Variants in LGALS8 observed in about 807,000 individuals in gnomAD.
LGALS8 encodes the protein galectin-8.
In LGALS8, 30 loss-of-function variants were observed where a neutral mutation model predicts 35.9. The ratio of observed to expected loss-of-function variants is 0.83; its 90% CI spans 0.62 to 1.13. The LOEUF (loss-of-function observed/expected upper bound fraction) is 1.13, where lower values mean the gene tolerates loss of function less well. Ranked by LOEUF, LGALS8 falls within the 50% of genes most tolerant of loss-of-function variation. The probability of loss-of-function intolerance (pLI) is 0.00; values close to 1 mark genes in which losing one functional copy is unlikely to be tolerated. For synonymous variants in LGALS8, 138 were observed against 136.1 expected, an observed-to-expected ratio of 1.01 and a Z score of -0.10; for missense variants, 366 against 388.7, an observed-to-expected ratio of 0.94 and a Z score of 0.49.
chr1:236,533,992 T>C (rs2995041), intron 2 of LGALS8, among the ~76,000 whole-genome samples: 1 of 129,480 alleles, frequency 7.7e-6, no homozygotes, highest in Admixed American at 7.8e-5. Context: ...GTAGCTGCCT[T>C]TGACCCCAGA....
upstream of LGALS8, chr1:236,523,918 A>C (rs969375997): frequency 5.6e-6 from 2 of 358,378 alleles, no homozygotes; most frequent in African/African-American, 4.3e-5. Flanking sequence ...CACAGCAGTG[A>C]GGCGCGCGAG....
intron 3 of LGALS8, among the ~76,000 whole-genome samples, chr1:236,538,525 C>T (rs150850985): frequency 1.9e-4 from 29 of 152,336 alleles, no homozygotes; most frequent in Middle Eastern, 3.4e-3. Flanking sequence ...CAGAGCTGGA[C>T]AAAAGGCAAG....
At chr1:236,528,546 ATTTTT>A (rs61261486) in intron 2 of LGALS8, among the ~76,000 whole-genome samples, 4 of 104,234 alleles carry the variant, frequency 3.8e-5, no homozygotes, top group Admixed American at 1.3e-4. Context: ...AATGTTTCCA[ATTTTT>A]TTTTTTTTTT....
At chr1:236,521,542 CGGTT>C (rs1218179532), upstream of LGALS8, among the ~76,000 whole-genome samples, 4 of 151,986 alleles carry the variant, frequency 2.6e-5, no homozygotes, top group Non-Finnish European at 4.4e-5. Context: ...AATTAGTAGA[CGGTT>C]GGCCGGATGC....
upstream of LGALS8, among the ~76,000 whole-genome samples, chr1:236,522,439 CA>C (rs200156062): frequency 1.3e-5 from 2 of 151,116 alleles, no homozygotes; most frequent in African/African-American, 2.4e-5. Flanking sequence ...CCTGTCTCTA[CA>C]AAAAAAAATT....
intron 2 of LGALS8, among the ~76,000 whole-genome samples, chr1:236,530,176 A>G (rs1221145737): frequency 6.6e-6 from 1 of 152,252 alleles, no homozygotes; most frequent in Non-Finnish European, 1.5e-5. Context: ...CAAGTTAATA[A>G]GTTGCTTGTC....
chr1:236,545,253 C>A, intron 9 of LGALS8: 1 of 166,226 alleles, frequency 6.0e-6, no homozygotes. Flanking sequence ...CGTGGAGACC[C>A]TAAAACTGCT....
Position 236,548,411 on chromosome 1 carries a change from AC to A in LGALS8, c.*251del. 4.2e-6 allele frequency: 2 copies of A among 473,280 alleles called. No homozygotes were observed. The highest frequency in any genetic ancestry group is 7.6e-6 in the Non-Finnish European group (2 of 263,754). The allele number at this position is 473,280 out of a possible 1,614,324, so 29.3% of individuals were successfully genotyped here. ...TCTGCCCTCTCTCCTACTTTGGCTG[AC>A]TCTTCAAGAATGCCATTCAACAAGT... is the stretch of plus-strand genomic sequence containing the variant. On this transcript the variant is annotated 3_prime_UTR_variant, in exon 10 of 10. Coordinates refer to ENST00000366584, the MANE Select transcript of LGALS8 (RefSeq NM_201544.4).
chr1:236,549,332 G>T lies in LGALS8; in HGVS notation c.*1171G>T. 5.0e-6 allele frequency: 1 copy of T among 199,838 alleles called. No individual in the cohort carries two copies. Among genetic ancestry groups the T allele is most frequent in the Non-Finnish European group, 1.0e-5 (1 of 99,752 alleles). The allele number at this position is 199,838 out of a possible 1,614,324, so 12.4% of individuals were successfully genotyped here. ...AGTTGGCAGAAGTTCCATGTATATG[G>T]GATCTTTACAGGTCAGATCTTGTTA... is the stretch of plus-strand genomic sequence containing the variant. On this transcript the variant is annotated 3_prime_UTR_variant, in exon 10 of 10. Transcript: ENST00000366584.
intron 2 of LGALS8, among the ~76,000 whole-genome samples, chr1:236,532,636 G>A (rs1302954758): frequency 6.6e-6 from 1 of 152,168 alleles, no homozygotes; most frequent in Non-Finnish European, 1.5e-5. Context: ...GAGGTCAGGA[G>A]TTCGAGACCA....
At chr1:236,525,929 A>G (rs974094075) in intron 1 of LGALS8, 39 bp from the exon 2 acceptor site, 37 of 531,722 alleles carry the variant, frequency 7.0e-5, no homozygotes, top group Middle Eastern at 2.8e-4. Context: ...AAAATGCTAC[A>G]TGCTTACTTT....
intron 3 of LGALS8, among the ~76,000 whole-genome samples, chr1:236,537,962 T>G (rs868493071): frequency 6.9e-6 from 1 of 145,386 alleles, no homozygotes; most frequent in African/African-American, 2.5e-5. Context: ...AAAAATTAAC[T>G]GGCTTGGTGG....
intron 5 of LGALS8, 100 bp downstream of exon 5, chr1:236,540,783 C>T (rs545347696): frequency 1.1e-4 from 135 of 1,211,120 alleles, no homozygotes; most frequent in South Asian, 9.6e-4. Flanking sequence ...ATAAAAAGGA[C>T]GTATCTCCCT....
intron 4 of LGALS8, among the ~76,000 whole-genome samples, chr1:236,539,395 G>A (rs1020698941): frequency 1.3e-5 from 2 of 152,174 alleles, no homozygotes; most frequent in African/African-American, 2.4e-5. Flanking sequence ...TGATGGGAGG[G>A]TAAGTTATAA....
Position 236,543,616 on chromosome 1 carries a change from C to G in LGALS8, c.606C>G (p.Val202=). Residue 202 remains valine (V), a synonymous_variant, in exon 8 of 10, where the codon GTC becomes GTG. Coordinates refer to ENST00000366584, the MANE Select transcript of LGALS8 (RefSeq NM_201544.4). Reference sequence around the variant, plus strand: ...CCATGGGCCCTGGACGAACTGTCGTCGTTAAAGGAGAAGTGAATGCAAATG... The same window carrying G: ...CCATGGGCCCTGGACGAACTGTCGTGGTTAAAGGAGAAGTGAATGCAAATG... ...NTPMGPGRTV[V]VKGEVNANAK... is the part of the protein sequence containing the mutation. 1 of 1,613,976 alleles carries G rather than the reference C, an allele frequency of 6.2e-7. No individual in the cohort carries two copies.
chr1:236,544,722 G>GTT (rs5781896), intron 8 of LGALS8, 28 bp from the exon 9 acceptor site: 335 of 1,346,780 alleles, frequency 2.5e-4, no homozygotes, highest in Admixed American at 1.1e-3. Flanking sequence ...GTTAATTAAG[G>GTT]TTTTTTTTTT....
At chr1:236,520,595 C>T (rs76073090), upstream of LGALS8, among the ~76,000 whole-genome samples, 6 of 152,214 alleles carry the variant, frequency 3.9e-5, no homozygotes, top group African/African-American at 7.2e-5. Context: ...TGCTTACTTC[C>T]GTCCTCCTTG....
Position 236,526,082 on chromosome 1 carries a change from C to T in LGALS8, c.12C>T (p.Ser4=). 2.5e-6 allele frequency: 4 copies of T among 1,612,028 alleles called. No individual in the cohort carries two copies. Among genetic ancestry groups the T allele is most frequent in the Non-Finnish European group, 3.4e-6 (4 of 1,178,508 alleles). ...GAAGCTGGAAAAGAATGATGTTGTC[C>T]TTAAACAACCTACAGAATATCATCT... MML[S]LNNLQNIIYN... The change falls in exon 2 of 10, where the codon TCC becomes TCT. Residue 4 remains serine (S), a synonymous_variant. Coordinates refer to ENST00000366584, the MANE Select transcript of LGALS8 (RefSeq NM_201544.4). This position sits in a 1 kb window ranked among gnomAD's most constrained non-coding sequence, Gnocchi z 4.6.
At chr1:236,547,958 C>A in intron 9 of LGALS8, 54 bp from the exon 10 acceptor site, 1 of 1,511,816 alleles carries the variant, frequency 6.6e-7, no homozygotes, top group Non-Finnish European at 9.1e-7. Context: ...ATGTAACAAA[C>A]ACAAAATTTT....
Sources: allele counts gnomAD v4.1 joint callset (sites outside exome capture counted in the v4.1 genomes callset), GRCh38; gene constraint gnomAD v4.1.1; non-coding constraint Gnocchi (gnomAD v3.1); transcripts MANE v1.5; gene names NCBI Gene and HGNC (gene_info 2026-07-23, HGNC 2026-07-21).